TLCD4: variants seen among roughly 807,000 people sequenced by gnomAD.
TLCD4 encodes the protein TLC domain containing 4.
TLCD4 carries 7 observed loss-of-function variants against 24.2 expected under a neutral mutation model. The ratio of observed to expected loss-of-function variants is 0.29; its 90% confidence interval spans 0.16 to 0.54. The LOEUF is 0.54. Ranked by LOEUF, TLCD4 falls within the 20% of genes least tolerant of loss-of-function variation. The pLI, the probability that TLCD4 is intolerant of heterozygous loss-of-function variation, is 0.95. For synonymous variants in TLCD4, 103 were observed against 106.4 expected (o/e 0.97, Z 0.20); for missense variants, 259 against 313.9 (o/e 0.82, Z 1.32).
chr1:95,160,725 T>C (rs969946585), intron 5 of TLCD4, among the ~76,000 whole-genome samples: 1 of 152,238 alleles, frequency 6.6e-6, no homozygotes, highest in African/African-American at 2.4e-5. Context: ...CTGTTGAATT[T>C]TGTCGAAGGC....
chr1:95,165,892 T>G (rs1313916958), intron 5 of TLCD4, among the ~76,000 whole-genome samples: 1 of 152,214 alleles, frequency 6.6e-6, no homozygotes, highest in Non-Finnish European at 1.5e-5. Flanking sequence ...TTTTGTTTTG[T>G]GAAGACTGCA....
At chr1:95,163,122 A>ATCAC (rs1249977526) in intron 5 of TLCD4, 1 of 152,196 alleles carries the variant, frequency 6.6e-6, no homozygotes, top group Non-Finnish European at 1.5e-5. Flanking sequence ...CATTCTCCCC[A>ATCAC]TCACTTTCAG....
At chr1:95,105,270 A>G in the TLCD4 span, among the ~76,000 whole-genome samples, 7 of 152,340 alleles carry the variant, frequency 4.6e-5, no homozygotes, top group African/African-American at 1.7e-4. Context: ...GTTAAGCTGG[A>G]CTATTTTAAG....
intron 1 of TLCD4, among the ~76,000 whole-genome samples, chr1:95,139,549 C>G (rs1279369740): frequency 6.9e-6 from 1 of 145,956 alleles, no homozygotes; most frequent in Admixed American, 7.0e-5. Flanking sequence ...GCCTCCGTCT[C>G]CCAGGTTCAA....
the TLCD4 span, among the ~76,000 whole-genome samples, chr1:95,092,862 C>A: frequency 6.6e-6 from 1 of 152,206 alleles, no homozygotes. Flanking sequence ...CCTCAGCCTC[C>A]CAAGTAGCTG....
At chr1:95,152,473 T>C (rs925308128) in intron 5 of TLCD4, among the ~76,000 whole-genome samples, 1 of 152,126 alleles carries the variant, frequency 6.6e-6, no homozygotes, top group Non-Finnish European at 1.5e-5. Flanking sequence ...GTAAGCTTTT[T>C]TTCTTAAATG....
the TLCD4 span, among the ~76,000 whole-genome samples, chr1:95,099,810 GT>G: frequency 7.5e-4 from 109 of 145,550 alleles, no homozygotes; most frequent in South Asian, 6.0e-3. Context: ...CCCCATGAAA[GT>G]TTTTTTTTTT....
At chr1:95,161,951 G>A (rs1245267140) in intron 5 of TLCD4, among the ~76,000 whole-genome samples, 1 of 152,204 alleles carries the variant, frequency 6.6e-6, no homozygotes, top group Admixed American at 6.5e-5. Context: ...ATAGTGCGAT[G>A]TGGTGCTGAG....
At chr1:95,111,622 A>C in the TLCD4 span, among the ~76,000 whole-genome samples, 4 of 152,240 alleles carry the variant, frequency 2.6e-5, no homozygotes, top group Non-Finnish European at 5.9e-5. Context: ...GAGAAGTGAT[A>C]ACTGGCTTGG....
At chr1:95,150,177 A>G in intron 3 of TLCD4, 31 bp from the exon 4 acceptor site, 1 of 1,595,042 alleles carries the variant, frequency 6.3e-7, no homozygotes, top group Non-Finnish European at 8.5e-7. Context: ...CAATCTATAT[A>G]CTTTAAAAAG....
chr1:95,112,649 T>A (rs1303777124), upstream of TLCD4, among the ~76,000 whole-genome samples: 1 of 152,124 alleles, frequency 6.6e-6, no homozygotes, highest in African/African-American at 2.4e-5. Flanking sequence ...CCATCTAAAT[T>A]ATCAGTCAGG....
chr1:95,122,417 T>C (rs552214390), intron 1 of TLCD4, among the ~76,000 whole-genome samples: 6 of 152,306 alleles, frequency 3.9e-5, no homozygotes, highest in African/African-American at 1.4e-4. Flanking sequence ...CCCCAGCACG[T>C]TGCTTAGTGA....
rs1557685137 is a variant in TLCD4, at chr1:95,150,204, T to TC, written c.246-3dup. On this transcript the variant is annotated splice_polypyrimidine_tract_variant and splice_region_variant and intron_variant, in intron 3 of 6. Transcript: ENST00000370203. ...TTTAAAAAGGAACCTTTTTTTTTTT[T>TC]CAGGGGTGGTCCATCACTTGCAAAC... The TC allele has an allele frequency of 1.2e-6, 2 of 1,606,746 alleles. No homozygotes were observed. The highest frequency in any genetic ancestry group is 2.2e-5 in the South Asian group (2 of 89,830).
chr1:95,170,285 T>C (rs902152536), intron 5 of TLCD4, among the ~76,000 whole-genome samples: 6 of 151,692 alleles, frequency 4.0e-5, no homozygotes, highest in Non-Finnish European at 5.9e-5. Flanking sequence ...GTTTATTACA[T>C]ACATGAATCT....
upstream of TLCD4, among the ~76,000 whole-genome samples, chr1:95,113,990 C>T (rs1231746411): frequency 2.0e-5 from 3 of 152,074 alleles, no homozygotes; most frequent in Non-Finnish European, 2.9e-5. Flanking sequence ...CCAGAAATAA[C>T]CACTGGTAAT....
chr1:95,105,002 G>T, the TLCD4 span, among the ~76,000 whole-genome samples: 3 of 151,948 alleles, frequency 2.0e-5, no homozygotes, highest in Non-Finnish European at 2.9e-5. Flanking sequence ...AGCCTGGGTG[G>T]CAGAGTGAGA....
chr1:95,157,762 G>A (rs939997396), intron 5 of TLCD4, among the ~76,000 whole-genome samples: 9 of 152,166 alleles, frequency 5.9e-5, no homozygotes, highest in Admixed American at 5.9e-4. Flanking sequence ...CATTTCAAGA[G>A]TAATTGTTCC....
the TLCD4 span, among the ~76,000 whole-genome samples, chr1:95,103,466 T>C: frequency 6.6e-6 from 1 of 152,208 alleles, no homozygotes; most frequent in Non-Finnish European, 1.5e-5. Context: ...AGAGATAATT[T>C]CCTGTAGAAA....
chr1:95,127,873 A>G (rs1408670082), intron 1 of TLCD4, among the ~76,000 whole-genome samples: 3 of 152,158 alleles, frequency 2.0e-5, no homozygotes, highest in African/African-American at 7.2e-5. Flanking sequence ...CCCAATTACT[A>G]TTGTCTCCTG....
Sources: gnomAD v4.1 joint callset for allele counts (sites outside exome capture counted in the v4.1 genomes callset) on GRCh38, gnomAD v4.1.1 for gene constraint, MANE v1.5 for transcripts, NCBI Gene and HGNC (gene_info 2026-07-23, HGNC 2026-07-21) for gene names.